Variants in ZHX1 observed in about 807,000 individuals in gnomAD.
ZHX1 encodes zinc fingers and homeoboxes protein 1.
Under a neutral mutation model 61.8 loss-of-function variants are expected in ZHX1, and 20 were observed. The ratio of observed to expected loss-of-function variants is 0.32; its 90% confidence interval spans 0.23 to 0.47. The LOEUF (loss-of-function observed/expected upper bound fraction) is 0.47. Among genes scored for constraint, ZHX1 ranks in the 20% least tolerant of loss-of-function variants. The probability of loss-of-function intolerance (pLI) is 1.00; values close to 1 mark genes in which losing one functional copy is unlikely to be tolerated. For missense variants in ZHX1, 800 were observed against 1,034.8 expected, an observed-to-expected ratio of 0.77 and a Z score of 3.11; for synonymous variants, 318 against 352.6, an observed-to-expected ratio of 0.90 and a Z score of 1.10.
rs1214319683 is a variant in ZHX1 at position 123,255,224 on chromosome 8, T to A, written c.723A>T (p.Arg241Ser). ...CCGTGCTGGCAGTACTTGGATGTAT[T>A]CTGTTTACAATGGAAGTACTTGTAT... is the stretch of plus-strand genomic sequence containing the variant. ...ESNTSTSIVN[R>S]IHPSTASTVV... Residue 241 changes from arginine (R) to serine (S), a missense_variant, in exon 3 of 4, where the codon AGA (arginine) becomes AGT (serine). Arg to Ser is a moderately radical substitution (Grantham distance 110). Coordinates refer to ENST00000395571, the MANE Select transcript of ZHX1 (RefSeq NM_007222.5). 1 of 1,614,194 alleles carries A rather than the reference T, an allele frequency of 6.2e-7. No individual in the cohort carries two copies. Among genetic ancestry groups the A allele is most frequent in the South Asian group, 1.1e-5 (1 of 91,084 alleles).
chr8:123,260,082 C>T (rs1443612329), intron 2 of ZHX1, among the ~76,000 whole-genome samples: 4 of 151,948 alleles, frequency 2.6e-5, no homozygotes, highest in East Asian at 1.9e-4. Context: ...CACTTGAACT[C>T]GGGAGGTGGA....
chr8:123,264,960 G>A (rs1826406145), intron 2 of ZHX1, among the ~76,000 whole-genome samples: 1 of 150,570 alleles, frequency 6.6e-6, no homozygotes, highest in Non-Finnish European at 1.5e-5. Flanking sequence ...AGGCCGAGGC[G>A]GGTGGATCAC....
At chr8:123,269,279 G>T (rs577794397) in intron 1 of ZHX1, among the ~76,000 whole-genome samples, 41 of 152,232 alleles carry the variant, frequency 2.7e-4, no homozygotes, top group African/African-American at 7.9e-4. Flanking sequence ...ATATTTTACC[G>T]AATGAGTCTC....
rs138343253 is a variant in ZHX1, at chr8:123,254,206, G to A, written c.1741C>T (p.Arg581Cys). 32 of 1,613,994 alleles carry A rather than the reference G, an allele frequency of 2.0e-5. No homozygotes were observed. The highest frequency in any genetic ancestry group is 2.4e-5 in the Non-Finnish European group (28 of 1,180,022). The change falls in exon 3 of 4, where the codon CGT (arginine) becomes TGT (cysteine). Residue 581 changes from arginine (R) to cysteine (C), a missense_variant. Transcript: ENST00000395571. This position sits in a 1 kb window ranked among gnomAD's most constrained non-coding sequence, Gnocchi z 4.1. ...KFKEKTAEQL[R>C]VLQASFLNSS... ...TTGAGAAAACTTGCCTGAAGGACAC[G>A]AAGCTGCTCTGCAGTTTTCTCTTTA...
intron 2 of ZHX1, among the ~76,000 whole-genome samples, chr8:123,260,736 G>C (rs1300479945): frequency 6.6e-6 from 1 of 152,056 alleles, no homozygotes; most frequent in Non-Finnish European, 1.5e-5. Context: ...ATCTTGAGAG[G>C]ACAGGTGCAG....
In ZHX1 at chr8:123,255,709, G is replaced by C. The variant is rs149599471; in HGVS notation, c.238C>G (p.Pro80Ala). 3.4e-5 allele frequency: 55 copies of C among 1,613,684 alleles called. No homozygotes were observed. In the African/African-American group the frequency reaches 7.1e-4, roughly 21 times the overall value. ...TGAAAAGTAAACATATTTAGATCTG[G>C]AGTTTGAAAAGTACAATATTTACAT... ...YECKYCTFQTPDLNMFTFHVD... is the reference protein window; with the variant it reads ...YECKYCTFQTADLNMFTFHVD... The change falls in exon 3 of 4, where the codon CCA becomes GCA. Residue 80 changes from proline to alanine, a missense_variant. By Grantham distance (27) the Pro-to-Ala change is conservative. Coordinates refer to ENST00000395571, the MANE Select transcript of ZHX1 (RefSeq NM_007222.5).
In ZHX1 at chr8:123,255,236, G is replaced by A; in HGVS notation, c.711C>T (p.Ser237=). The change falls in exon 3 of 4, where the codon TCC becomes TCT. Residue 237 remains serine (S), a synonymous_variant. Coordinates refer to ENST00000395571, the MANE Select transcript of ZHX1 (RefSeq NM_007222.5). Reference sequence around the variant, plus strand: ...TACTTGGATGTATTCTGTTTACAATGGAAGTACTTGTATTAGATTCAGAAG... The same window carrying A: ...TACTTGGATGTATTCTGTTTACAATAGAAGTACTTGTATTAGATTCAGAAG... ...SSASESNTST[S]IVNRIHPSTA... is the part of the protein sequence containing the mutation. 1 of 1,614,148 alleles carries A rather than the reference G, an allele frequency of 6.2e-7. No homozygotes were observed. The highest frequency in any genetic ancestry group is 8.5e-7 in the Non-Finnish European group (1 of 1,180,016).
Position 123,253,302 on chromosome 8 carries a change from T to C in ZHX1, c.*3+20A>G, listed in dbSNP as rs757913535. The C allele has an allele frequency of 6.4e-7, 1 of 1,566,034 alleles. No individual in the cohort carries two copies. Among genetic ancestry groups the C allele is most frequent in the East Asian group, 2.2e-5 (1 of 44,680 alleles). ...GTGGTTGATGAACATATACGCAGAT[T>C]AAAAATTTTCTTAACTTACATTTCA... is the stretch of plus-strand genomic sequence containing the variant. On this transcript the variant is annotated intron_variant, in intron 3 of 3. Coordinates refer to ENST00000395571, the MANE Select transcript of ZHX1 (RefSeq NM_007222.5).
At position 123,255,357 on chromosome 8, in the gene ZHX1, G is replaced by C; in HGVS notation, c.590C>G (p.Ala197Gly). ...GTCCTCAACTGAGTTATGATGAACT[G>C]CAATCCGTTTATTTTCCACTTTATT... ...MKNKVENKRI[A>G]VHHNSVEDVP... Residue 197 changes from alanine to glycine, a missense_variant, in exon 3 of 4, where the codon GCA becomes GGA. By Grantham distance (60) the Ala-to-Gly change is moderately conservative (BLOSUM62 0). Transcript: ENST00000395571. 6.2e-7 allele frequency: 1 copy of C among 1,613,866 alleles called. No individual in the cohort carries two copies. The highest frequency in any genetic ancestry group is 8.5e-7 in the Non-Finnish European group (1 of 1,179,988).
In ZHX1 at chr8:123,255,047, A is replaced by T. The variant is rs1173720377; in HGVS notation, c.900T>A (p.Leu300=). Residue 300 remains leucine, a synonymous_variant, in exon 3 of 4, where the codon CTT becomes CTA. Transcript: ENST00000395571. ...NAALDNNPLL[L]NTYNKFPYPT... ...GGTAAGGGAACTTGTTGTAGGTGTT[A>T]AGTAAAAGGGGATTGTTATCCAATG... 6.2e-7 allele frequency: 1 copy of T among 1,614,156 alleles called. No individual in the cohort carries two copies. The highest frequency in any genetic ancestry group is 1.3e-5 in the African/African-American group (1 of 75,066).
upstream of ZHX1, chr8:123,275,485 G>A (rs1826812492): frequency 6.6e-6 from 1 of 151,864 alleles, no homozygotes; most frequent in Non-Finnish European, 1.5e-5. Context: ...GCAGAGCTCC[G>A]CTGAGCCACA....
intron 3 of ZHX1, among the ~76,000 whole-genome samples, chr8:123,251,605 A>G (rs1825921291): frequency 6.6e-6 from 1 of 152,210 alleles, no homozygotes; most frequent in Non-Finnish European, 1.5e-5. Flanking sequence ...CATTCACTGC[A>G]GCAACAAATT....
At chr8:123,259,533 C>T (rs916880666) in intron 2 of ZHX1, among the ~76,000 whole-genome samples, 1 of 151,962 alleles carries the variant, frequency 6.6e-6, no homozygotes, top group Non-Finnish European at 1.5e-5. Flanking sequence ...CAGGAAGATT[C>T]CCTGAGTCTA....
At chr8:123,271,120 T>C (rs939483527) in intron 1 of ZHX1, among the ~76,000 whole-genome samples, 5 of 152,208 alleles carry the variant, frequency 3.3e-5, no homozygotes, top group African/African-American at 9.6e-5. Context: ...TGGTTATTGA[T>C]GACTACAAAT....
Position 123,249,714 on chromosome 8 carries a change from A to G in ZHX1, c.*610T>C, listed in dbSNP as rs1563806646. ...CCAATTATTAAGGGCCAGTGAAACCATAAAATCTTATTGTTTCAACATATA... is the reference window on the plus strand; with the variant it reads ...CCAATTATTAAGGGCCAGTGAAACCGTAAAATCTTATTGTTTCAACATATA... On this transcript the variant is annotated 3_prime_UTR_variant, in exon 4 of 4. Transcript: ENST00000395571. 6.6e-6 allele frequency: 1 copy of G among 152,166 alleles called. No individual in the cohort carries two copies. Among genetic ancestry groups the G allele is most frequent in the Non-Finnish European group, 1.5e-5 (1 of 67,996 alleles). The allele number at this position is 152,166 out of a possible 1,614,324, so 9.4% of individuals were successfully genotyped here. A position where few individuals can be genotyped will look rare whatever the true frequency, so the allele number is the denominator to read the frequency against.
chr8:123,267,409 T>C, intron 1 of ZHX1, 23 bp from the exon 2 acceptor site: 1 of 696,526 alleles, frequency 1.4e-6, no homozygotes, highest in Non-Finnish European at 2.1e-6. Context: ...CATATTTTAT[T>C]ATTCTAGATA....
At chr8:123,268,911 A>T (rs1826553622) in intron 1 of ZHX1, among the ~76,000 whole-genome samples, 1 of 152,244 alleles carries the variant, frequency 6.6e-6, no homozygotes, top group South Asian at 2.1e-4. Context: ...GTTTATGAAG[A>T]AACTTCTCAC....
chr8:123,272,863 A>G (rs1249792564), intron 1 of ZHX1, among the ~76,000 whole-genome samples: 5 of 152,206 alleles, frequency 3.3e-5, no homozygotes, highest in Non-Finnish European at 7.3e-5. Flanking sequence ...TTTTTCTGCT[A>G]TCACATTAAC....
Position 123,253,695 on chromosome 8 carries a change from C to T in ZHX1, c.2252G>A (p.Arg751Gln), listed in dbSNP as rs770197354. The change falls in exon 3 of 4, where the codon CGG (arginine) becomes CAG (glutamine). Residue 751 changes from arginine to glutamine, a missense_variant. Coordinates refer to ENST00000395571, the MANE Select transcript of ZHX1 (RefSeq NM_007222.5). ...CCGCCCACGCGGTCTTCCTCTTCCC[C>T]GTCCTTTGGGTCTCCCTCTCCCTCT... ...RKRGRGRPKG[R>Q]GRGRPRGRPR... The T allele has an allele frequency of 4.3e-6, 7 of 1,614,084 alleles. No individual in the cohort carries two copies. Among genetic ancestry groups the T allele is most frequent in the East Asian group, 4.5e-5 (2 of 44,898 alleles).
Sources: allele counts gnomAD v4.1 joint callset (sites outside exome capture counted in the v4.1 genomes callset), GRCh38; gene constraint gnomAD v4.1.1; non-coding constraint Gnocchi (gnomAD v3.1); transcripts MANE v1.5; gene names NCBI Gene and HGNC (gene_info 2026-07-23, HGNC 2026-07-21).